GABPB1: variants seen among roughly 807,000 people sequenced by gnomAD.
GABPB1 encodes GA-binding protein subunit beta-1.
A neutral mutation model predicts 45.9 loss-of-function variants in GABPB1; 15 were observed. That is an observed-to-expected ratio of 0.33 (90% confidence interval 0.22 to 0.50). The LOEUF (loss-of-function observed/expected upper bound fraction) is 0.50, where lower values mean the gene tolerates loss of function less well. Ranked by LOEUF, GABPB1 falls within the 20% of genes least tolerant of loss-of-function variation. The pLI is 0.98. For missense variants in GABPB1, 252 were observed against 457.5 expected (o/e 0.55, Z 4.10); for synonymous variants, 143 against 154.4 (o/e 0.93, Z 0.55).
intron 1 of GABPB1, among the ~76,000 whole-genome samples, chr15:50,339,058 T>C (rs2048247577): frequency 1.3e-5 from 2 of 152,134 alleles, no homozygotes; most frequent in Non-Finnish European, 1.5e-5. Flanking sequence ...ATCCCAGCAC[T>C]TTGGGAGGCC....
chr15:50,298,627 T>C (rs188469454), intron 6 of GABPB1, among the ~76,000 whole-genome samples: 1 of 152,288 alleles, frequency 6.6e-6, no homozygotes, highest in East Asian at 1.9e-4. Context: ...TAGATTATAA[T>C]GCTACAGAAG....
At chr15:50,347,020 C>T (rs1056350729) in intron 1 of GABPB1, among the ~76,000 whole-genome samples, 2 of 151,962 alleles carry the variant, frequency 1.3e-5, no homozygotes, top group African/African-American at 4.8e-5. Context: ...GTACTCCTGA[C>T]CTCCTGATCC....
intron 1 of GABPB1, among the ~76,000 whole-genome samples, chr15:50,342,294 A>T (rs749460918): frequency 1.5e-4 from 22 of 151,620 alleles, no homozygotes; most frequent in Non-Finnish European, 2.1e-4. Context: ...CTCTCCCATA[A>T]GCCTTAGGAA....
At chr15:50,342,795 TGA>T (rs2048423802) in intron 1 of GABPB1, among the ~76,000 whole-genome samples, 1 of 152,264 alleles carries the variant, frequency 6.6e-6, no homozygotes, top group African/African-American at 2.4e-5. Context: ...AACAATCATC[TGA>T]GAGCTACTTC....
At chr15:50,286,221 AG>A (rs1395796386) in intron 7 of GABPB1, 38 bp from the exon 8 acceptor site, 6 of 1,351,160 alleles carry the variant, frequency 4.4e-6, no homozygotes, top group Non-Finnish European at 6.0e-6. Flanking sequence ...CTTCATTTTC[AG>A]AGAGATTTAT....
chr15:50,334,469 T>A (rs2048047823), intron 1 of GABPB1, among the ~76,000 whole-genome samples: 1 of 151,982 alleles, frequency 6.6e-6, no homozygotes, highest in Non-Finnish European at 1.5e-5. Context: ...CATCATTAAG[T>A]TTTTAATTCA....
chr15:50,282,222 A>AACAT (rs924447221), intron 8 of GABPB1: 36 of 443,212 alleles, frequency 8.1e-5, no homozygotes, highest in Admixed American at 4.1e-4. Context: ...AATAAATACA[A>AACAT]ACATACATAC....
In GABPB1 at chr15:50,276,749, C is replaced by T. The variant is rs535814706; in HGVS notation, c.*1883G>A. 13 of 114,074 alleles carry T rather than the reference C, an allele frequency of 1.1e-4. No homozygotes were observed. The Admixed American group carries it at 1.2e-3, about 10-fold the overall frequency. The allele number at this position is 114,074 out of a possible 1,614,324, so 7.1% of individuals were successfully genotyped here. ...CTGGGGTGAAGACACTGGCCCTTCT[C>T]TGCTCCAGCACCACATGTCAGGGTA... is the stretch of plus-strand genomic sequence containing the variant. On this transcript the variant is annotated 3_prime_UTR_variant, in exon 9 of 9. Transcript: ENST00000380877.
At chr15:50,282,560 G>GAAAAAAAGAAAAAAAAAAAAAAAAAA (rs1555506163) in intron 8 of GABPB1, among the ~76,000 whole-genome samples, 1 of 88,992 alleles carries the variant, frequency 1.1e-5, no homozygotes, top group Non-Finnish European at 2.3e-5. Context: ...CCTTAAAAAA[G>GAAAAAAAGAAAAAAAAAAAAAAAAAA]AAAAAAAAAA....
intron 1 of GABPB1, among the ~76,000 whole-genome samples, chr15:50,339,984 CCCACAAA>C (rs2048292151): frequency 1.3e-5 from 2 of 152,102 alleles, no homozygotes; most frequent in Non-Finnish European, 2.9e-5. Context: ...TGTTTGTGTC[CCCACAAA>C]ATTAACATGT....
chr15:50,317,413 A>AG (rs1475312630), intron 1 of GABPB1, among the ~76,000 whole-genome samples: 3 of 112,910 alleles, frequency 2.7e-5, no homozygotes, highest in African/African-American at 8.8e-5. Context: ...TCAAAAAAAA[A>AG]AAAGAAAGAA....
At chr15:50,298,586 A>T (rs2046607456) in intron 6 of GABPB1, among the ~76,000 whole-genome samples, 1 of 152,160 alleles carries the variant, frequency 6.6e-6, no homozygotes, top group Non-Finnish European at 1.5e-5. Context: ...AAATCTTAAG[A>T]CTCCCAAATA....
chr15:50,289,569 T>C lies in GABPB1; in HGVS notation c.797A>G (p.Asp266Gly). 1 of 1,613,846 alleles carries C rather than the reference T, an allele frequency of 6.2e-7. No individual in the cohort carries two copies. The highest frequency in any genetic ancestry group is 1.1e-5 in the South Asian group (1 of 91,076). ...GTGCAAATTTCCAAGCTGAATTCCA[T>C]CTGTAACTATTGTGATGACTTGCTG... ...GGQQVITIVT[D>G]GIQLGNLHSI... Residue 266 changes from aspartate (D) to glycine (G), a missense_variant, in exon 7 of 9, where the codon GAT becomes GGT. Around this residue, in one of 4 missense-constraint regions of GABPB1, gnomAD observed 193 missense variants for 259.9 expected, o/e 0.74. Coordinates refer to ENST00000380877, the MANE Select transcript of GABPB1 (RefSeq NM_016654.5).
intron 8 of GABPB1, among the ~76,000 whole-genome samples, chr15:50,284,386 C>G (rs1384642828): frequency 1.3e-5 from 2 of 152,176 alleles, no homozygotes; most frequent in African/African-American, 2.4e-5. Context: ...TACCAGAAAG[C>G]TCTAATTACT....
At chr15:50,282,982 G>C (rs939002543) in intron 8 of GABPB1, among the ~76,000 whole-genome samples, 4 of 152,182 alleles carry the variant, frequency 2.6e-5, no homozygotes, top group African/African-American at 9.7e-5. Flanking sequence ...TTGAACCTAG[G>C]AGGCGGAGGT....
chr15:50,302,423 G>A (rs1403888706), intron 4 of GABPB1, among the ~76,000 whole-genome samples: 2 of 151,890 alleles, frequency 1.3e-5, no homozygotes, highest in African/African-American at 2.4e-5. Flanking sequence ...CAGGCAGATC[G>A]CCTGAGCTCA....
chr15:50,276,478 T>TA lies in GABPB1; in HGVS notation c.*2153dup, dbSNP rs1419622034. On this transcript the variant is annotated 3_prime_UTR_variant, in exon 9 of 9. Transcript: ENST00000380877. ...GAAAAAGGTGAGCTTCCTCCACAGA[T>TA]ACCTGAGTACCTGATGCTATCATAG... The TA allele has an allele frequency of 6.6e-6, 1 of 152,242 alleles. No individual in the cohort carries two copies. The highest frequency in any genetic ancestry group is 1.5e-5 in the Non-Finnish European group (1 of 68,038). 9.4% of individuals were successfully genotyped at this position (152,242 alleles called of 1,614,324 possible).
rs2045837681 is a variant in GABPB1 at position 50,276,249 on chromosome 15, CT to C, written c.*2382del. 6.6e-6 allele frequency: 1 copy of C among 152,152 alleles called. No homozygotes were observed. The highest frequency in any genetic ancestry group is 2.4e-5 in the African/African-American group (1 of 41,444). 9.4% of individuals were successfully genotyped at this position (152,152 alleles called of 1,614,324 possible). A position where few individuals can be genotyped will look rare whatever the true frequency, so the allele number is the denominator to read the frequency against. ...TCATATACTTTTATTTTTGTCAGTT[CT>C]TTAAATCCTCTGTTCAGAGCACTAT... On this transcript the variant is annotated 3_prime_UTR_variant, in exon 9 of 9. Transcript: ENST00000380877.
intron 1 of GABPB1, among the ~76,000 whole-genome samples, chr15:50,316,771 T>A (rs1463393122): frequency 1.3e-5 from 2 of 152,086 alleles, no homozygotes; most frequent in Non-Finnish European, 2.9e-5. Flanking sequence ...TTAAGATATG[T>A]CATAATGGAA....
Sources: gnomAD v4.1 joint callset for allele counts (sites outside exome capture counted in the v4.1 genomes callset) on GRCh38, gnomAD v4.1.1 for gene constraint, gnomAD v4.1.1 regional missense constraint, MANE v1.5 for transcripts, NCBI Gene and HGNC (gene_info 2026-07-23, HGNC 2026-07-21) for gene names.